Variants in CFAP70 observed in about 807,000 individuals in gnomAD.
CFAP70 encodes cilia and flagella associated protein 70.
Under a neutral mutation model 137.6 loss-of-function variants are expected in CFAP70, and 81 were observed. The observed-to-expected ratio is 0.59, with a 90% CI of 0.49 to 0.71. The LOEUF is 0.71. Among genes scored for constraint, CFAP70 ranks in the 30% least tolerant of loss-of-function variants. The pLI, the probability that CFAP70 is intolerant of heterozygous loss-of-function variation, is 0.00. For synonymous variants in CFAP70, 382 were observed against 423.6 expected, an observed-to-expected ratio of 0.90 and a Z score of 1.20; for missense variants, 976 against 1,226.7, an observed-to-expected ratio of 0.80 and a Z score of 3.05.
intron 3 of CFAP70, among the ~76,000 whole-genome samples, chr10:73,350,190 C>T (rs1277253528): frequency 1.3e-5 from 2 of 152,218 alleles, no homozygotes; most frequent in Non-Finnish European, 2.9e-5. Flanking sequence ...CCAATAGTTA[C>T]ATAGAATGTC....
At chr10:73,298,968 C>G (rs1160428440) in exon 14 of CFAP70, 1 of 1,614,036 alleles carries the variant, frequency 6.2e-7, no homozygotes. Flanking sequence ...GCTGAGCTGG[C>G]ACTTCTGCTC....
intron 9 of CFAP70, among the ~76,000 whole-genome samples, chr10:73,321,469 T>C (rs539995192): frequency 8.5e-5 from 13 of 152,298 alleles, no homozygotes; most frequent in African/African-American, 2.9e-4. Context: ...CAAAAGATAC[T>C]GATGTAGAAA....
intron 18 of CFAP70, 34 bp downstream of exon 19, chr10:73,291,606 A>G (rs2048185896): frequency 6.3e-7 from 1 of 1,574,896 alleles, no homozygotes; most frequent in African/African-American, 1.4e-5. Flanking sequence ...TATAATGGGG[A>G]GAAAACACAT....
Position 73,275,326 on chromosome 10 carries a change from A to C in CFAP70, c.2673+120T>G. The C allele has an allele frequency of 1.7e-6, 2 of 1,164,598 alleles. No homozygotes were observed. Among genetic ancestry groups the C allele is most frequent in the Non-Finnish European group, 2.4e-6 (2 of 832,156 alleles). 72.1% of individuals were successfully genotyped at this position (1,164,598 alleles called of 1,614,324 possible). A position where few individuals can be genotyped will look rare whatever the true frequency, so the allele number is the denominator to read the frequency against. ...GCAAATGGAAGGGTATAGAGAGATG[A>C]GTTTACTGACAGCTGATGACCACCC... is the stretch of plus-strand genomic sequence containing the variant. On this transcript the variant is annotated intron_variant, in intron 22 of 26. Coordinates refer to ENST00000310715, the Ensembl canonical transcript of CFAP70. This position sits in a 1 kb window ranked among gnomAD's most constrained non-coding sequence, Gnocchi z 4.0.
At chr10:73,353,492 C>A (rs780379285) in intron 3 of CFAP70, 64 bp downstream of exon 3, 32 of 1,421,258 alleles carry the variant, frequency 2.3e-5, no homozygotes, top group Non-Finnish European at 2.9e-5. Flanking sequence ...TTGTGCTTTT[C>A]CCATCCAACA....
intron 6 of CFAP70, among the ~76,000 whole-genome samples, chr10:73,336,120 G>A (rs2052632464): frequency 6.6e-6 from 1 of 150,682 alleles, no homozygotes; most frequent in Admixed American, 6.6e-5. Context: ...TTCCAGCCTG[G>A]GTGACAGAGA....
chr10:73,336,887 T>C (rs1357075521), intron 6 of CFAP70, among the ~76,000 whole-genome samples: 2 of 152,118 alleles, frequency 1.3e-5, no homozygotes, highest in Middle Eastern at 3.2e-3. Context: ...CGTTATACTA[T>C]TTTCTATGCC....
At chr10:73,290,276 GT>G (rs1309092639) in intron 19 of CFAP70, among the ~76,000 whole-genome samples, 1 of 152,110 alleles carries the variant, frequency 6.6e-6, no homozygotes, top group Admixed American at 6.6e-5. Flanking sequence ...TACATACTGT[GT>G]GATTCTATTT....
intron 5 of CFAP70, 87 bp downstream of exon 6, chr10:73,344,978 G>C: frequency 9.2e-7 from 1 of 1,084,454 alleles, no homozygotes; most frequent in Non-Finnish European, 1.4e-6. Context: ...GCAATGCTTT[G>C]AATGAAATCT....
intron 9 of CFAP70, 79 bp from the exon 11 acceptor site, chr10:73,312,722 A>G: frequency 3.9e-6 from 5 of 1,286,946 alleles, no homozygotes; most frequent in Non-Finnish European, 5.2e-6. Flanking sequence ...TTTTTTTACC[A>G]TTTAGTCTTC....
exon 15 of CFAP70, chr10:73,297,077 A>G: frequency 6.2e-7 from 1 of 1,613,908 alleles, no homozygotes; most frequent in Non-Finnish European, 8.5e-7. Context: ...TCTACTAAGA[A>G]CACATAGAGC....
At chr10:73,353,769 A>G in intron 2 of CFAP70, 27 bp from the exon 3 acceptor site, 1 of 1,600,518 alleles carries the variant, frequency 6.2e-7, no homozygotes, top group Non-Finnish European at 8.5e-7. Context: ...ACCACTTTAC[A>G]ATTATATTCA....
At chr10:73,306,489 G>A (rs2049389827) in intron 12 of CFAP70, among the ~76,000 whole-genome samples, 1 of 152,060 alleles carries the variant, frequency 6.6e-6, no homozygotes. Context: ...TCCTCAATAA[G>A]ATTAACAGCT....
rs574289532 is a variant in CFAP70, at chr10:73,351,765, G to T, written c.250+1791C>A. ...TTTTAATTCAATTTGAGATCTTCCAGTTTTTGGAATGACTTATGGTTTTAA... is the reference window on the plus strand; with the variant it reads ...TTTTAATTCAATTTGAGATCTTCCATTTTTTGGAATGACTTATGGTTTTAA... On this transcript the variant is annotated intron_variant, in intron 3 of 26. Transcript: ENST00000310715. Among the ~76,000 whole-genome samples the T allele has an allele frequency of 4.6e-5, 7 of 152,306 alleles. No individual in the cohort carries two copies. In the South Asian group the frequency reaches 1.2e-3, roughly 27 times the overall value.
chr10:73,345,035 C>T (rs1404580958), intron 5 of CFAP70, 30 bp downstream of exon 6: 2 of 1,596,422 alleles, frequency 1.3e-6, no homozygotes, highest in Non-Finnish European at 1.7e-6. Context: ...ATGTTTGAAT[C>T]TCTATAAATA....
At chr10:73,324,785 AAAAAAGAAT>A (rs1335272688) in intron 8 of CFAP70, among the ~76,000 whole-genome samples, 3 of 152,220 alleles carry the variant, frequency 2.0e-5, no homozygotes, top group Non-Finnish European at 2.9e-5. Context: ...AAGTTTAGAG[AAAAAAGAAT>A]AAAAAGAAAC....
intron 19 of CFAP70, among the ~76,000 whole-genome samples, chr10:73,283,305 A>G (rs2047400827): frequency 6.6e-6 from 1 of 152,116 alleles, no homozygotes; most frequent in African/African-American, 2.4e-5. Context: ...AAGAATGTGT[A>G]CCTTGCTGTT....
chr10:73,357,148 G>A (rs1211696927), intron 1 of CFAP70, among the ~76,000 whole-genome samples: 1 of 152,120 alleles, frequency 6.6e-6, no homozygotes, highest in East Asian at 1.9e-4. Context: ...GAGAAGCAAG[G>A]AAATTAACTG....
chr10:73,279,877 GA>G (rs2047131364), intron 19 of CFAP70, among the ~76,000 whole-genome samples: 2 of 150,356 alleles, frequency 1.3e-5, no homozygotes, highest in Admixed American at 1.3e-4. Flanking sequence ...GAAAAGAAAA[GA>G]AAAATAACCT....
Sources: gnomAD v4.1 joint callset for allele counts (sites outside exome capture counted in the v4.1 genomes callset) on GRCh38, gnomAD v4.1.1 for gene constraint, Gnocchi (gnomAD v3.1) non-coding constraint, MANE v1.5 for transcripts, NCBI Gene and HGNC (gene_info 2026-07-23, HGNC 2026-07-21) for gene names.